CTNND2: variants seen among roughly 807,000 people sequenced by gnomAD.
The protein encoded by CTNND2 is catenin delta 2.
Under a neutral mutation model 144.4 loss-of-function variants are expected in CTNND2, and 22 were observed. The observed-to-expected ratio is 0.15, with a 90% CI of 0.11 to 0.22. The LOEUF is 0.22. Ranked by LOEUF, CTNND2 falls within the 10% of genes least tolerant of loss-of-function variation. CTNND2 has a pLI of 1.00. For missense variants in CTNND2, 1,353 were observed against 1,618.8 expected, an observed-to-expected ratio of 0.84 and a Z score of 2.82; for synonymous variants, 751 against 695.6, an observed-to-expected ratio of 1.08 and a Z score of -1.25.
At chr5:11,396,970 A>T in intron 6 of CTNND2, 61 bp downstream of exon 6, 2 of 1,499,830 alleles carry the variant, frequency 1.3e-6, no homozygotes, top group Admixed American at 1.9e-5. Flanking sequence ...CATCCACTGC[A>T]TGCCCATTCC....
At chr5:11,805,472 T>C (rs1041165212) in intron 1 of CTNND2, among the ~76,000 whole-genome samples, 2 of 151,958 alleles carry the variant, frequency 1.3e-5, no homozygotes, top group African/African-American at 4.8e-5. Flanking sequence ...ATCAGGGACA[T>C]GTAAGATGAG....
At chr5:11,625,038 TCAACAATATGCAC>T (rs1444694710) in intron 2 of CTNND2, among the ~76,000 whole-genome samples, 1 of 151,914 alleles carries the variant, frequency 6.6e-6, no homozygotes. Flanking sequence ...TAAACACCCT[TCAACAATATGCAC>T]TGTAAGTAGC....
chr5:11,228,619 G>T (rs1463384879), intron 10 of CTNND2, among the ~76,000 whole-genome samples: 1 of 151,738 alleles, frequency 6.6e-6, no homozygotes, highest in Non-Finnish European at 1.5e-5. Flanking sequence ...CCAAGTAGCA[G>T]GGACTACAGT....
intron 3 of CTNND2, among the ~76,000 whole-genome samples, chr5:11,464,944 T>G (rs902226928): frequency 6.6e-6 from 1 of 152,198 alleles, no homozygotes; most frequent in Non-Finnish European, 1.5e-5. Flanking sequence ...AATGCCTTCC[T>G]CAGTTATTGT....
At chr5:10,981,599 A>C (rs1468271594) in intron 21 of CTNND2, among the ~76,000 whole-genome samples, 174 bp downstream of exon 21, 1 of 152,022 alleles carries the variant, frequency 6.6e-6, no homozygotes, top group Non-Finnish European at 1.5e-5. Flanking sequence ...ACACACACAC[A>C]CACACACAGA....
chr5:11,655,371 G>A (rs997291024), intron 2 of CTNND2, among the ~76,000 whole-genome samples: 1 of 151,676 alleles, frequency 6.6e-6, no homozygotes, highest in Admixed American at 6.6e-5. Flanking sequence ...TATTTAAGGT[G>A]CAACCACCAC....
At chr5:11,065,647 A>G (rs1435274756) in intron 16 of CTNND2, among the ~76,000 whole-genome samples, 3 of 152,134 alleles carry the variant, frequency 2.0e-5, no homozygotes, top group Non-Finnish European at 4.4e-5. Flanking sequence ...CCAAATTCCT[A>G]TCTAAAGGAT....
intron 16 of CTNND2, among the ~76,000 whole-genome samples, chr5:11,052,746 G>A (rs560217120): frequency 6.6e-6 from 1 of 152,170 alleles, no homozygotes; most frequent in East Asian, 1.9e-4. Flanking sequence ...GATCTTTAGG[G>A]CGGCGGCCCT....
intron 2 of CTNND2, among the ~76,000 whole-genome samples, chr5:11,615,524 C>T (rs937723652): frequency 6.6e-6 from 1 of 152,032 alleles, no homozygotes; most frequent in Admixed American, 6.6e-5. Context: ...CTTAGAAACA[C>T]AAATAAAAAA....
intron 3 of CTNND2, among the ~76,000 whole-genome samples, chr5:11,496,563 T>C (rs1769961313): frequency 6.6e-6 from 1 of 151,930 alleles, no homozygotes; most frequent in Non-Finnish European, 1.5e-5. Context: ...CACCCTAAGG[T>C]AGGAGTGTGT....
At chr5:11,252,816 T>A (rs1402141388) in intron 9 of CTNND2, among the ~76,000 whole-genome samples, 2 of 152,238 alleles carry the variant, frequency 1.3e-5, no homozygotes, top group African/African-American at 4.8e-5. Flanking sequence ...CCAAAATGAA[T>A]GTGTACTCCT....
chr5:11,526,701 G>A (rs76378051), intron 3 of CTNND2, among the ~76,000 whole-genome samples: 2,387 of 152,170 alleles, frequency 0.016, 64 homozygotes, highest in African/African-American at 0.055. Context: ...AGAAAACTAG[G>A]GTGCAAAATT....
chr5:11,225,595 C>T (rs996716676), intron 10 of CTNND2, among the ~76,000 whole-genome samples: 4 of 152,134 alleles, frequency 2.6e-5, no homozygotes, highest in Non-Finnish European at 5.9e-5. Context: ...TTCCAAACCA[C>T]CCTGCCAAAA....
intron 1 of CTNND2, among the ~76,000 whole-genome samples, chr5:11,816,453 T>A (rs1190387842): frequency 6.6e-6 from 1 of 150,866 alleles, no homozygotes; most frequent in Non-Finnish European, 1.5e-5. Context: ...TGCATCAGGG[T>A]CTACGCAGAA....
chr5:11,643,612 A>G (rs1307992526), intron 2 of CTNND2, among the ~76,000 whole-genome samples: 1 of 152,010 alleles, frequency 6.6e-6, no homozygotes, highest in African/African-American at 2.4e-5. Context: ...ATTATGTGCC[A>G]CATTTTCTTA....
chr5:11,389,235 A>G (rs1391298290), intron 6 of CTNND2, among the ~76,000 whole-genome samples: 3 of 152,168 alleles, frequency 2.0e-5, no homozygotes, highest in African/African-American at 7.2e-5. Flanking sequence ...CATTTACGAG[A>G]AATGGACAAG....
intron 16 of CTNND2, among the ~76,000 whole-genome samples, chr5:11,078,898 T>C (rs1749239013): frequency 6.6e-6 from 1 of 152,206 alleles, no homozygotes; most frequent in South Asian, 2.1e-4. Flanking sequence ...TAAGTGTAAA[T>C]AGCAAGTTGC....
intron 3 of CTNND2, among the ~76,000 whole-genome samples, chr5:11,544,154 C>T (rs1370573490): frequency 6.6e-6 from 1 of 151,904 alleles, no homozygotes; most frequent in Admixed American, 6.6e-5. Context: ...AAGAGTTCTT[C>T]CATTATTCCA....
At chr5:11,416,863 G>C (rs938752362) in intron 3 of CTNND2, among the ~76,000 whole-genome samples, 1 of 152,022 alleles carries the variant, frequency 6.6e-6, no homozygotes, top group African/African-American at 2.4e-5. Context: ...ATGTAAAAAA[G>C]ACTATAGACA....
Sources: gnomAD v4.1 joint callset for allele counts (sites outside exome capture counted in the v4.1 genomes callset) on GRCh38, gnomAD v4.1.1 for gene constraint, MANE v1.5 for transcripts, NCBI Gene and HGNC (gene_info 2026-07-23, HGNC 2026-07-21) for gene names.